The following APBB2 variants were observed in gnomAD, a reference collection of about 807,000 sequenced individuals.
The protein encoded by APBB2 is amyloid beta precursor protein binding family B member 2.
In APBB2, 38 loss-of-function variants were observed where a neutral mutation model predicts 82.5. The observed-to-expected ratio is 0.46, with a 90% confidence interval of 0.36 to 0.60. The LOEUF (loss-of-function observed/expected upper bound fraction) is 0.60, where lower values mean the gene tolerates loss of function less well. Ranked by LOEUF, APBB2 falls within the 20% of genes least tolerant of loss-of-function variation. The pLI, the probability that APBB2 is intolerant of heterozygous loss-of-function variation, is 0.00. For synonymous variants in APBB2, 341 were observed against 368.2 expected (o/e 0.93, Z 0.85); for missense variants, 772 against 972.3 (o/e 0.79, Z 2.74).
chr4:40,981,548 C>T (rs1174834559), intron 6 of APBB2, among the ~76,000 whole-genome samples: 5 of 152,242 alleles, frequency 3.3e-5, no homozygotes, highest in South Asian at 4.1e-4. Context: ...AAAATGACTT[C>T]GTAGTGACAG....
At chr4:40,932,649 A>AAGGGG (rs1784475294) in intron 10 of APBB2, among the ~76,000 whole-genome samples, 1 of 152,136 alleles carries the variant, frequency 6.6e-6, no homozygotes, top group Non-Finnish European at 1.5e-5. Flanking sequence ...CAGGAGGGTG[A>AAGGGG]AGGGGAGGGG....
chr4:41,015,958 T>C (rs1259220475), intron 5 of APBB2, among the ~76,000 whole-genome samples: 2 of 152,256 alleles, frequency 1.3e-5, no homozygotes, highest in Non-Finnish European at 2.9e-5. Flanking sequence ...ACCATTTGGC[T>C]ACAACTATTA....
intron 12 of APBB2, among the ~76,000 whole-genome samples, chr4:40,885,518 G>A (rs1458826616): frequency 6.6e-6 from 1 of 152,174 alleles, no homozygotes; most frequent in Non-Finnish European, 1.5e-5. Flanking sequence ...GATCTCGCAA[G>A]ACTGTTATTA....
intron 4 of APBB2, among the ~76,000 whole-genome samples, chr4:41,061,679 T>A (rs1333775746): frequency 2.0e-5 from 3 of 152,180 alleles, no homozygotes; most frequent in Non-Finnish European, 4.4e-5. Flanking sequence ...AACACAAATA[T>A]CTGTATGAAA....
intron 17 of APBB2, among the ~76,000 whole-genome samples, chr4:40,821,358 G>C (rs2154295733): frequency 6.6e-6 from 1 of 152,292 alleles, no homozygotes; most frequent in Non-Finnish European, 1.5e-5. Context: ...CAAGCCCTGA[G>C]GCCCATTCTC....
At chr4:40,880,957 G>A in intron 12 of APBB2, 12 of 984,604 alleles carry the variant, frequency 1.2e-5, no homozygotes, top group Non-Finnish European at 1.4e-5. Context: ...TGAACGATCT[G>A]TCTGAAAATG....
chr4:41,000,707 G>A (rs1156807614), intron 6 of APBB2, among the ~76,000 whole-genome samples: 2 of 152,142 alleles, frequency 1.3e-5, no homozygotes. Context: ...CTCTGTGAGT[G>A]GTTTAAGGTT....
intron 13 of APBB2, among the ~76,000 whole-genome samples, chr4:40,830,167 C>G (rs2465538): frequency 0.39 from 58,850 of 149,600 alleles, 12,282 homozygotes; most frequent in Non-Finnish European, 0.47. Flanking sequence ...CGATGCCTGC[C>G]CTGCAGCAAA....
intron 1 of APBB2, among the ~76,000 whole-genome samples, chr4:41,146,265 A>T (rs1048578254): frequency 2.0e-5 from 3 of 148,564 alleles, no homozygotes; most frequent in African/African-American, 7.4e-5. Flanking sequence ...GGAGGAGATT[A>T]CAGTGAGCTA....
At chr4:40,958,687 C>G (rs1792308410) in intron 6 of APBB2, among the ~76,000 whole-genome samples, 1 of 152,150 alleles carries the variant, frequency 6.6e-6, no homozygotes, top group African/African-American at 2.4e-5. Context: ...CTCACTGCAG[C>G]CTTGACCTCC....
intron 1 of APBB2, among the ~76,000 whole-genome samples, chr4:41,188,747 G>C (rs1222192772): frequency 1.3e-5 from 2 of 152,132 alleles, no homozygotes; most frequent in Admixed American, 6.5e-5. Flanking sequence ...GTTCTAACCG[G>C]GTTAAAAGTG....
At chr4:40,820,192 G>A (rs750272551) in intron 17 of APBB2, among the ~76,000 whole-genome samples, 1 of 152,136 alleles carries the variant, frequency 6.6e-6, no homozygotes, top group African/African-American at 2.4e-5. Context: ...CAGGCAGCTC[G>A]GTGCTTCTCA....
chr4:41,168,074 T>C (rs11935587), intron 1 of APBB2, among the ~76,000 whole-genome samples: 15,019 of 152,058 alleles, frequency 0.099, 1,640 homozygotes, highest in African/African-American at 0.28. Flanking sequence ...ATGGAGACCA[T>C]CCTGGCTAAC....
intron 12 of APBB2, chr4:40,881,528 CTTTTTCTT>C (rs1366771653): frequency 1.3e-5 from 2 of 154,910 alleles, no homozygotes; most frequent in African/African-American, 3.2e-5. Context: ...CTTTTCTTTT[CTTTTTCTT>C]TTTTTTTTTT....
rs989937297 is a variant in APBB2 at position 40,911,781 on chromosome 4, G to A, written c.1255-18370C>T. Among the ~76,000 whole-genome samples, 7 of 152,298 alleles carry A rather than the reference G, an allele frequency of 4.6e-5. No homozygotes were observed. The South Asian group carries it at 1.2e-3, about 27-fold the overall frequency. ...CTGGTCCCAGACCAACACCTAGGGG[G>A]ACACGGATTCCTGTGCTGGAGCCGA... On this transcript the variant is annotated intron_variant, in intron 10 of 17. Coordinates refer to ENST00000508593, the MANE Select transcript of APBB2 (RefSeq NM_004307.2).
At chr4:40,849,047 C>G in intron 12 of APBB2, 1 of 270,530 alleles carries the variant, frequency 3.7e-6, no homozygotes, top group Non-Finnish European at 5.7e-6. Flanking sequence ...GAATAAATAC[C>G]TAAGTAGGGG....
intron 10 of APBB2, among the ~76,000 whole-genome samples, chr4:40,933,431 C>T (rs1042751400): frequency 6.6e-6 from 1 of 152,180 alleles, no homozygotes; most frequent in Non-Finnish European, 1.5e-5. Flanking sequence ...AAATGTATTG[C>T]AACATCAGTG....
chr4:40,905,229 G>A (rs1033017057), intron 10 of APBB2, among the ~76,000 whole-genome samples: 2 of 152,060 alleles, frequency 1.3e-5, no homozygotes, highest in Non-Finnish European at 2.9e-5. Flanking sequence ...CTAATGGCTG[G>A]TCCCTTCATG....
At chr4:41,004,419 C>T (rs1806109380) in intron 6 of APBB2, among the ~76,000 whole-genome samples, 1 of 152,164 alleles carries the variant, frequency 6.6e-6, no homozygotes, top group African/African-American at 2.4e-5. Flanking sequence ...TTGTCAGGCA[C>T]TCTGCGTATG....
Sources: allele counts gnomAD v4.1 joint callset (sites outside exome capture counted in the v4.1 genomes callset), GRCh38; gene constraint gnomAD v4.1.1; transcripts MANE v1.5; gene names NCBI Gene and HGNC (gene_info 2026-07-23, HGNC 2026-07-21).